MYH3: variants seen among roughly 807,000 people sequenced by gnomAD.
The protein encoded by MYH3 is myosin heavy chain 3, also known as myosin-3.
In MYH3, 130 loss-of-function variants were observed where a neutral mutation model predicts 238.0. That is an observed-to-expected ratio of 0.55 (90% CI 0.47 to 0.63). The LOEUF is 0.63. Among genes scored for constraint, MYH3 ranks in the 30% least tolerant of loss-of-function variants. The pLI is 0.00. For missense variants in MYH3, 1,853 were observed against 2,374.9 expected (o/e 0.78, Z 4.57); for synonymous variants, 880 against 924.1 (o/e 0.95, Z 0.86).
chr17:10,634,287 A>T (rs191571440), intron 31 of MYH3, 105 bp from the exon 32 acceptor site: 236 of 1,354,838 alleles, frequency 1.7e-4, no homozygotes, highest in East Asian at 3.2e-4. Context: ...TACACTTGGC[A>T]TCACTTGCCT....
rs768876883 is a variant in MYH3 at position 10,654,306 on chromosome 17, A to G, written c.204+555T>C. ...TCCAGATTCTCCTGATGTGGATTTT[A>G]GAAACTAGTGAGCTCCAGAATTCCT... is the stretch of plus-strand genomic sequence containing the variant. On this transcript the variant is annotated intron_variant, in intron 3 of 40. Transcript: ENST00000583535. The surrounding 1 kb of genome is among the most constrained non-coding windows in gnomAD (Gnocchi z 4.5). 5.4e-4 allele frequency among the ~76,000 whole-genome samples: 82 copies of G among 151,372 alleles called. No homozygotes were observed. Among genetic ancestry groups the G allele is most frequent in the Admixed American group, 9.2e-4 (14 of 15,156 alleles).
chr17:10,662,593 G>A, the MYH3 span, among the ~76,000 whole-genome samples: 1 of 152,110 alleles, frequency 6.6e-6, no homozygotes, highest in Admixed American at 6.6e-5. Flanking sequence ...AATAAAATTA[G>A]TAATAATTCT....
At chr17:10,666,338 G>A in the MYH3 span, among the ~76,000 whole-genome samples, 25 of 152,158 alleles carry the variant, frequency 1.6e-4, no homozygotes, top group Non-Finnish European at 2.6e-4. Flanking sequence ...ACAACACGTT[G>A]GCCAGCTGAG....
At chr17:10,636,324 C>T (rs2074215373) in intron 28 of MYH3, among the ~76,000 whole-genome samples, 1 of 141,130 alleles carries the variant, frequency 7.1e-6, no homozygotes, top group Non-Finnish European at 1.5e-5. Context: ...TTGTTGTAAA[C>T]TACTGGAAGG....
In MYH3 at chr17:10,642,718, C is replaced by T. The variant is rs771350054; in HGVS notation, c.1587G>A (p.Met529Ile). 1 of 1,614,148 alleles carries T rather than the reference C, an allele frequency of 6.2e-7. No homozygotes were observed. The highest frequency in any genetic ancestry group is 8.5e-7 in the Non-Finnish European group (1 of 1,180,044). ...CCTCTTCCAGGATGGAGAAGATGCC[C>T]ATAGGCTGGATTGAAGGCAAGGCAA... is the stretch of plus-strand genomic sequence containing the variant. ...AACIELIEKP[M>I]GIFSILEEEC... The change falls in exon 16 of 41, where the codon ATG becomes ATA. Residue 529 changes from methionine to isoleucine, a missense_variant. By Grantham distance (10) the Met-to-Ile change is conservative. Coordinates refer to ENST00000583535, the MANE Select transcript of MYH3 (RefSeq NM_002470.4). This position sits in a 1 kb window ranked among gnomAD's most constrained non-coding sequence, Gnocchi z 5.4.
chr17:10,672,589 C>T, the MYH3 span: 1 of 152,238 alleles, frequency 6.6e-6, no homozygotes, highest in Admixed American at 6.5e-5. Flanking sequence ...TACCAAGACA[C>T]AGATCATTTT....
chr17:10,630,816 A>T (rs543811289), intron 36 of MYH3, among the ~76,000 whole-genome samples: 1 of 151,672 alleles, frequency 6.6e-6, no homozygotes, highest in South Asian at 2.1e-4. Context: ...TCGCCATTGC[A>T]CTCCAGCCTG....
At chr17:10,645,591 G>T (rs1487998326) in intron 12 of MYH3, 116 bp downstream of exon 12, 13 of 1,349,582 alleles carry the variant, frequency 9.6e-6, no homozygotes, top group Non-Finnish European at 1.4e-5. Flanking sequence ...CCAAAGTGCT[G>T]GGATTACAGG....
the MYH3 span, among the ~76,000 whole-genome samples, chr17:10,671,569 G>A: frequency 1.9e-3 from 275 of 143,082 alleles, no homozygotes; most frequent in African/African-American, 6.8e-3. Context: ...TTTTCTCAGG[G>A]TCATTTTTTT....
chr17:10,670,235 T>G, the MYH3 span, among the ~76,000 whole-genome samples: 1 of 151,912 alleles, frequency 6.6e-6, no homozygotes, highest in South Asian at 2.1e-4. The surrounding 1 kb of genome is among the most constrained non-coding windows in gnomAD (Gnocchi z 7.0). Context: ...GGCCAAAGAG[T>G]AGTAGGTCAA....
rs1048702846 is a variant in MYH3 at position 10,629,673 on chromosome 17, G to A, written c.5720C>T (p.Ala1907Val). ...FRKAQHELEE[A>V]EERADIAESQ... ...TTCTGCGATATCCGCACGTTCCTCG[G>A]CCTCCTCCAGCTCATGCTGAGCCTT... The change falls in exon 40 of 41, where the codon GCC becomes GTC. Residue 1907 changes from alanine (A) to valine (V), a missense_variant. By Grantham distance (64) the Ala-to-Val change is moderately conservative. Coordinates refer to ENST00000583535, the MANE Select transcript of MYH3 (RefSeq NM_002470.4). The A allele has an allele frequency of 1.2e-6, 2 of 1,614,064 alleles. No individual in the cohort carries two copies. The highest frequency in any genetic ancestry group is 1.7e-6 in the Non-Finnish European group (2 of 1,180,046).
chr17:10,643,043 G>A, intron 14 of MYH3, 47 bp from the exon 15 acceptor site: 1 of 1,613,932 alleles, frequency 6.2e-7, no homozygotes, highest in African/African-American at 1.3e-5. Flanking sequence ...ACTTCTTTCA[G>A]AATCAAAGAC....
At chr17:10,653,527 C>T (rs980220530) in intron 3 of MYH3, among the ~76,000 whole-genome samples, 7 of 152,126 alleles carry the variant, frequency 4.6e-5, no homozygotes, top group Non-Finnish European at 7.3e-5. Context: ...GCCAGGCAAA[C>T]GGCACCATGA....
chr17:10,632,063 A>C (rs1597481570), intron 34 of MYH3, 47 bp from the exon 35 acceptor site: 1 of 1,588,572 alleles, frequency 6.3e-7, no homozygotes, highest in East Asian at 2.3e-5. Context: ...AGGCGTTAGG[A>C]CCACGAGCCT....
intron 5 of MYH3, 149 bp downstream of exon 5, chr17:10,651,363 G>T: frequency 7.1e-7 from 1 of 1,415,748 alleles, no homozygotes; most frequent in Non-Finnish European, 9.9e-7. Context: ...CCTACATGAT[G>T]CAGCCCCTTT....
the MYH3 span, among the ~76,000 whole-genome samples, chr17:10,667,248 T>C: frequency 4.4e-4 from 67 of 152,320 alleles, no homozygotes; most frequent in Non-Finnish European, 8.4e-4. Flanking sequence ...TCACAAATAC[T>C]AAAATACTGT....
At chr17:10,630,729 T>C (rs901965405) in intron 36 of MYH3, among the ~76,000 whole-genome samples, 9 of 152,086 alleles carry the variant, frequency 5.9e-5, no homozygotes, top group Admixed American at 5.9e-4. Flanking sequence ...CAGATGCCCG[T>C]ATTCCCAGCT....
intron 34 of MYH3, 90 bp from the exon 35 acceptor site, chr17:10,632,106 GTTTGTTTTTGT>G (rs1381155250): frequency 4.2e-6 from 6 of 1,418,598 alleles, no homozygotes; most frequent in Non-Finnish European, 5.7e-6. Context: ...TTGTTTGTTT[GTTTGTTTTTGT>G]TTTGTTTTGT....
Position 10,647,556 on chromosome 17 carries a change from A to T in MYH3, c.736-130T>A, listed in dbSNP as rs1597490518. 15 of 870,796 alleles carry T rather than the reference A, an allele frequency of 1.7e-5. 1 individual carries two copies. The highest frequency in any genetic ancestry group is 1.7e-4 in the South Asian group (11 of 65,458). The allele number at this position is 870,796 out of a possible 1,614,324, so 53.9% of individuals were successfully genotyped here. A position where few individuals can be genotyped will look rare whatever the true frequency, so the allele number is the denominator to read the frequency against. Reference sequence around the variant, plus strand: ...TTGTTTTGTTTTGTTTTGTTTTGTTATGTTTTTGAGACGGAGTCTCGCTCT... The same window carrying T: ...TTGTTTTGTTTTGTTTTGTTTTGTTTTGTTTTTGAGACGGAGTCTCGCTCT... On this transcript the variant is annotated intron_variant, in intron 8 of 40. Coordinates refer to ENST00000583535, the MANE Select transcript of MYH3 (RefSeq NM_002470.4).
Sources: allele counts gnomAD v4.1 joint callset (sites outside exome capture counted in the v4.1 genomes callset), GRCh38; gene constraint gnomAD v4.1.1; non-coding constraint Gnocchi (gnomAD v3.1); transcripts MANE v1.5; gene names NCBI Gene and HGNC (gene_info 2026-07-23, HGNC 2026-07-21).